The following ARHGAP28 variants were observed in gnomAD, a reference collection of about 807,000 sequenced individuals.
ARHGAP28 encodes the protein Rho GTPase activating protein 28.
Under a neutral mutation model 90.7 loss-of-function variants are expected in ARHGAP28, and 56 were observed. The observed-to-expected ratio is 0.62, with a 90% CI of 0.50 to 0.77. The LOEUF is 0.77. Among genes scored for constraint, ARHGAP28 ranks in the 30% least tolerant of loss-of-function variants. The pLI is 0.00. For missense variants in ARHGAP28, 869 were observed against 900.9 expected, an observed-to-expected ratio of 0.96 and a Z score of 0.45; for synonymous variants, 308 against 323.3, an observed-to-expected ratio of 0.95 and a Z score of 0.51.
intron 1 of ARHGAP28, among the ~76,000 whole-genome samples, chr18:6,751,948 C>A (rs773399348): frequency 1.2e-4 from 18 of 151,996 alleles, no homozygotes; most frequent in Admixed American, 2.6e-4. Flanking sequence ...GTTTTTGAAG[C>A]CTTGCTTACA....
At chr18:6,840,718 G>T (rs1351649749) in intron 3 of ARHGAP28, among the ~76,000 whole-genome samples, 2 of 152,142 alleles carry the variant, frequency 1.3e-5, no homozygotes, top group African/African-American at 4.8e-5. Context: ...AGAGAATTGA[G>T]AATGGGGACT....
At chr18:6,893,153 A>T (rs1235354285) in intron 14 of ARHGAP28, among the ~76,000 whole-genome samples, 1 of 152,062 alleles carries the variant, frequency 6.6e-6, no homozygotes, top group Admixed American at 6.6e-5. Context: ...TTGACATTAC[A>T]CCCCTCTAGC....
intron 6 of ARHGAP28, among the ~76,000 whole-genome samples, chr18:6,869,253 C>CTTTTTTTTTT (rs61280250): frequency 4.4e-5 from 3 of 68,040 alleles, no homozygotes; most frequent in African/African-American, 5.6e-5. Flanking sequence ...TTTTGCCATT[C>CTTTTTTTTTT]TTTTTTTTTT....
intron 1 of ARHGAP28, among the ~76,000 whole-genome samples, chr18:6,755,023 A>G (rs2056098161): frequency 6.6e-6 from 1 of 152,024 alleles, no homozygotes; most frequent in Non-Finnish European, 1.5e-5. Context: ...TGGTACACCT[A>G]GCTACTGTAA....
chr18:6,904,172 A>G (rs2057352790), intron 16 of ARHGAP28, among the ~76,000 whole-genome samples: 3 of 152,260 alleles, frequency 2.0e-5, no homozygotes. Context: ...GGCAGGCGGA[A>G]TACCTGAGGT....
At chr18:6,837,503 A>G in intron 3 of ARHGAP28, 89 bp downstream of exon 3, 1 of 966,018 alleles carries the variant, frequency 1.0e-6, no homozygotes. Flanking sequence ...AATATCAGAA[A>G]TGTCTGCTTG....
At chr18:6,787,362 C>T (rs530976556) in intron 1 of ARHGAP28, among the ~76,000 whole-genome samples, 1 of 149,824 alleles carries the variant, frequency 6.7e-6, no homozygotes, top group South Asian at 2.1e-4. Context: ...ATTTACTTTT[C>T]CTTTATACTA....
intron 3 of ARHGAP28, among the ~76,000 whole-genome samples, chr18:6,841,235 C>T: frequency 7.4e-6 from 1 of 134,722 alleles, no homozygotes; most frequent in South Asian, 2.5e-4. Flanking sequence ...CCCCAACCCG[C>T]CCCCACCAAT....
chr18:6,756,987 A>G (rs2056116068), intron 1 of ARHGAP28, among the ~76,000 whole-genome samples: 1 of 152,168 alleles, frequency 6.6e-6, no homozygotes, highest in African/African-American at 2.4e-5. Context: ...CCACTGACTC[A>G]AATCTTAATC....
At chr18:6,785,424 T>TCTGGGTTC (rs1267862172) in intron 1 of ARHGAP28, among the ~76,000 whole-genome samples, 1 of 152,220 alleles carries the variant, frequency 6.6e-6, no homozygotes, top group Non-Finnish European at 1.5e-5. Context: ...GCTCCATCAC[T>TCTGGGTTC]CTGGGTTCCT....
At chr18:6,884,435 C>CT (rs2143665548) in intron 11 of ARHGAP28, among the ~76,000 whole-genome samples, 1 of 152,312 alleles carries the variant, frequency 6.6e-6, no homozygotes, top group African/African-American at 2.4e-5. Flanking sequence ...GGGTTGGTCT[C>CT]TGTCTTCTTT....
chr18:6,844,698 A>G (rs1322836357), intron 3 of ARHGAP28, among the ~76,000 whole-genome samples: 1 of 152,190 alleles, frequency 6.6e-6, no homozygotes, highest in Admixed American at 6.5e-5. Context: ...GGTATTATCA[A>G]TTCCCTGTAG....
At chr18:6,911,071 T>A (rs1036350640) in intron 17 of ARHGAP28, among the ~76,000 whole-genome samples, 1 of 152,088 alleles carries the variant, frequency 6.6e-6, no homozygotes, top group Non-Finnish European at 1.5e-5. Flanking sequence ...CCTGACCTTG[T>A]GATCCGCCCA....
At chr18:6,893,189 G>C (rs1035412415) in intron 14 of ARHGAP28, among the ~76,000 whole-genome samples, 2 of 152,154 alleles carry the variant, frequency 1.3e-5, no homozygotes, top group African/African-American at 4.8e-5. Context: ...AGTTAGGCAA[G>C]GTAAAGGCAA....
intron 1 of ARHGAP28, among the ~76,000 whole-genome samples, chr18:6,820,966 GA>G (rs2056622840): frequency 6.6e-6 from 1 of 152,172 alleles, no homozygotes; most frequent in South Asian, 2.1e-4. Context: ...AGGGAGGAAT[GA>G]AAAACTCTAG....
intron 1 of ARHGAP28, among the ~76,000 whole-genome samples, chr18:6,786,085 G>A (rs938527523): frequency 7.2e-5 from 11 of 152,124 alleles, no homozygotes; most frequent in African/African-American, 2.7e-4. Flanking sequence ...CAATTGGGAG[G>A]GAGGTTTATG....
At chr18:6,847,014 C>T (rs2056870951) in intron 3 of ARHGAP28, among the ~76,000 whole-genome samples, 1 of 152,170 alleles carries the variant, frequency 6.6e-6, no homozygotes, top group Non-Finnish European at 1.5e-5. Context: ...GGCTTTGTAG[C>T]ATCAAGAGGG....
intron 1 of ARHGAP28, among the ~76,000 whole-genome samples, chr18:6,783,687 T>G (rs995608232): frequency 6.6e-6 from 1 of 152,218 alleles, no homozygotes; most frequent in African/African-American, 2.4e-5. Context: ...TGAGACGCTC[T>G]GCGGGGAGCT....
chr18:6,801,723 T>G (rs1200191454), intron 1 of ARHGAP28, among the ~76,000 whole-genome samples: 2 of 152,220 alleles, frequency 1.3e-5, no homozygotes, highest in Non-Finnish European at 2.9e-5. Context: ...CTAATTGAGA[T>G]ATCCATAACC....
Sources: gnomAD v4.1 joint callset for allele counts (sites outside exome capture counted in the v4.1 genomes callset) on GRCh38, gnomAD v4.1.1 for gene constraint, MANE v1.5 for transcripts, NCBI Gene and HGNC (gene_info 2026-07-23, HGNC 2026-07-21) for gene names.